DOCK1: variants seen among roughly 807,000 people sequenced by gnomAD.
DOCK1 encodes the protein dedicator of cytokinesis protein 1.
A neutral mutation model predicts 262.7 loss-of-function variants in DOCK1; 138 were observed. The ratio of observed to expected loss-of-function variants is 0.53; its 90% CI spans 0.46 to 0.61. The LOEUF is 0.61. Among genes scored for constraint, DOCK1 ranks in the 20% least tolerant of loss-of-function variants. The pLI is 0.00. For synonymous variants in DOCK1, 866 were observed against 867.4 expected, an observed-to-expected ratio of 1.00 and a Z score of 0.03; for missense variants, 1,908 against 2,370.7, an observed-to-expected ratio of 0.80 and a Z score of 4.05.
In DOCK1 at chr10:126,943,904, G is replaced by A. The variant is rs1002387270; in HGVS notation, c.47-26798G>A. Among the ~76,000 whole-genome samples, 11 of 152,138 alleles carry A rather than the reference G, an allele frequency of 7.2e-5. 1 individual carries two copies. The highest frequency in any genetic ancestry group is 2.0e-4 in the Admixed American group (3 of 15,268). On this transcript the variant is annotated intron_variant, in intron 1 of 51. Coordinates refer to ENST00000623213, the MANE Select transcript of DOCK1 (RefSeq NM_001290223.2). ...GCGAGGCTGGGTGCCAAGCAGGGTC[G>A]TCCCAAGCTGTCTGGAGGAATTTGG...
At chr10:127,079,173 C>G (rs931209501) in intron 23 of DOCK1, among the ~76,000 whole-genome samples, 1 of 152,196 alleles carries the variant, frequency 6.6e-6, no homozygotes, top group African/African-American at 2.4e-5. Flanking sequence ...CATCACCAGT[C>G]TCTGAACATT....
At chr10:127,215,363 C>T (rs2058159931) in intron 27 of DOCK1, among the ~76,000 whole-genome samples, 1 of 152,208 alleles carries the variant, frequency 6.6e-6, no homozygotes, top group African/African-American at 2.4e-5. Context: ...CACGCAGCTC[C>T]ATGTGATCCC....
intron 37 of DOCK1, among the ~76,000 whole-genome samples, chr10:127,382,515 G>T (rs2065878379): frequency 6.6e-6 from 1 of 152,154 alleles, no homozygotes; most frequent in Non-Finnish European, 1.5e-5. Flanking sequence ...CCTGAGGCTG[G>T]CTGTCTGAGG....
At chr10:126,980,049 C>A (rs2038839079) in intron 3 of DOCK1, among the ~76,000 whole-genome samples, 1 of 152,072 alleles carries the variant, frequency 6.6e-6, no homozygotes, top group Non-Finnish European at 1.5e-5. Context: ...TTTTGTTTTT[C>A]TCCCCCATCT....
intron 27 of DOCK1, among the ~76,000 whole-genome samples, chr10:127,165,046 T>C (rs1163321936): frequency 6.6e-6 from 1 of 152,230 alleles, no homozygotes; most frequent in African/African-American, 2.4e-5. Context: ...GCTATCAAAC[T>C]AGAATGAAAA....
intron 23 of DOCK1, among the ~76,000 whole-genome samples, chr10:127,066,230 C>T (rs369900857): frequency 6.6e-6 from 1 of 151,996 alleles, no homozygotes; most frequent in Non-Finnish European, 1.5e-5. Context: ...CCCCCAGCTG[C>T]GGTGTCTCCA....
chr10:127,171,730 G>A (rs1398831736), intron 27 of DOCK1, among the ~76,000 whole-genome samples: 1 of 152,136 alleles, frequency 6.6e-6, no homozygotes, highest in Non-Finnish European at 1.5e-5. Context: ...TTGAGATGGA[G>A]TCTCGCTCTG....
chr10:127,066,622 A>T (rs2045893491), intron 23 of DOCK1, among the ~76,000 whole-genome samples: 1 of 152,138 alleles, frequency 6.6e-6, no homozygotes, highest in Non-Finnish European at 1.5e-5. Flanking sequence ...GAAACACCAA[A>T]CATCTGGGTG....
rs775216075 is a variant in DOCK1 at position 127,176,208 on chromosome 10, T to G, written c.2847+48444T>G. ...CTCCCCCAGCTGGCCCGAGGACAGC[T>G]GTGTGTCCCTCTGCTCATTCTGTGC... On this transcript the variant is annotated intron_variant, in intron 27 of 51. Coordinates refer to ENST00000623213, the MANE Select transcript of DOCK1 (RefSeq NM_001290223.2). This position sits in a 1 kb window ranked among gnomAD's most constrained non-coding sequence, Gnocchi z 4.4. The G allele has an allele frequency of 6.2e-7, 1 of 1,614,008 alleles. No individual in the cohort carries two copies.
intron 27 of DOCK1, among the ~76,000 whole-genome samples, chr10:127,207,582 G>C (rs1471674193): frequency 6.6e-6 from 1 of 152,144 alleles, no homozygotes; most frequent in Non-Finnish European, 1.5e-5. Flanking sequence ...TTTTAGGATT[G>C]TCTTAATAGG....
intron 10 of DOCK1, chr10:127,000,824 C>T (rs958819249): frequency 6.7e-6 from 1 of 149,586 alleles, no homozygotes; most frequent in Non-Finnish European, 1.4e-5. Context: ...TTTCCTCTGC[C>T]ATGTTGGTGC....
chr10:126,937,566 G>A (rs931188607), intron 1 of DOCK1, among the ~76,000 whole-genome samples: 1 of 150,986 alleles, frequency 6.6e-6, no homozygotes, highest in Non-Finnish European at 1.5e-5. Context: ...GTGTGAAGTG[G>A]TATCTTACTG....
chr10:127,390,669 C>T (rs1035042948), intron 38 of DOCK1, among the ~76,000 whole-genome samples: 3 of 152,054 alleles, frequency 2.0e-5, no homozygotes, highest in African/African-American at 4.8e-5. Flanking sequence ...GAATCCTGGC[C>T]TCCAGAACAG....
At chr10:127,104,649 T>C (rs1024568151) in intron 23 of DOCK1, among the ~76,000 whole-genome samples, 2 of 152,244 alleles carry the variant, frequency 1.3e-5, no homozygotes, top group Admixed American at 6.5e-5. Flanking sequence ...CATTTTCCAA[T>C]TTGATTTTGA....
At chr10:126,989,363 G>T (rs1025976543) in intron 5 of DOCK1, among the ~76,000 whole-genome samples, 1 of 152,124 alleles carries the variant, frequency 6.6e-6, no homozygotes, top group African/African-American at 2.4e-5. Flanking sequence ...GTCTTGCTCT[G>T]TTGCCCAGGC....
intron 4 of DOCK1, among the ~76,000 whole-genome samples, chr10:126,986,642 G>T (rs2039413128): frequency 6.6e-6 from 1 of 152,210 alleles, no homozygotes; most frequent in African/African-American, 2.4e-5. Flanking sequence ...GGGCGCGGTG[G>T]CTCATGCCTG....
chr10:127,305,855 A>G (rs1393587479), intron 29 of DOCK1, among the ~76,000 whole-genome samples: 2 of 152,200 alleles, frequency 1.3e-5, no homozygotes, highest in African/African-American at 4.8e-5. Context: ...TGTTCATGTC[A>G]TAGACCAGCG....
chr10:126,947,813 G>GTGA (rs2035651347), intron 1 of DOCK1, among the ~76,000 whole-genome samples: 5 of 73,296 alleles, frequency 6.8e-5, no homozygotes, highest in African/African-American at 6.5e-5. Flanking sequence ...GTTGGTGGTG[G>GTGA]TGGTGGTGGT....
intron 7 of DOCK1, chr10:126,997,885 A>G: frequency 1.7e-6 from 1 of 579,128 alleles, no homozygotes; most frequent in Non-Finnish European, 3.0e-6. Flanking sequence ...TACTCAGCAC[A>G]GCAGTTGCAC....
Sources: gnomAD v4.1 joint callset for allele counts (sites outside exome capture counted in the v4.1 genomes callset) on GRCh38, gnomAD v4.1.1 for gene constraint, Gnocchi (gnomAD v3.1) non-coding constraint, MANE v1.5 for transcripts, NCBI Gene and HGNC (gene_info 2026-07-23, HGNC 2026-07-21) for gene names.